ZNF831: variants seen among roughly 807,000 people sequenced by gnomAD.
ZNF831 encodes zinc finger protein 831, also known as chromosome 20 open reading frame 174.
A neutral mutation model predicts 95.8 loss-of-function variants in ZNF831; 59 were observed. The ratio of observed to expected loss-of-function variants is 0.62; its 90% CI spans 0.50 to 0.77. ZNF831 has a LOEUF of 0.77. Among genes scored for constraint, ZNF831 ranks in the 30% least tolerant of loss-of-function variants. The probability of loss-of-function intolerance (pLI) is 0.00; values close to 1 mark genes in which losing one functional copy is unlikely to be tolerated. For missense variants in ZNF831, 2,205 were observed against 2,164.0 expected (o/e 1.02, Z -0.38); for synonymous variants, 961 against 925.5 (o/e 1.04, Z -0.70).
intron 1 of ZNF831, among the ~76,000 whole-genome samples, chr20:59,181,123 C>T (rs1040448303): frequency 1.3e-5 from 2 of 152,152 alleles, no homozygotes; most frequent in African/African-American, 4.8e-5. Flanking sequence ...CTCTAATGAC[C>T]AGTGATGATG....
At chr20:59,124,711 C>T (rs1287722944) in intron 1 of ZNF831, among the ~76,000 whole-genome samples, 4 of 152,244 alleles carry the variant, frequency 2.6e-5, no homozygotes, top group African/African-American at 9.6e-5. Context: ...CAGGTCACCT[C>T]TCTGAACCTC....
At position 59,169,986 on chromosome 20, in the gene ZNF831, T is replaced by G. The variant is rs1237613152; in HGVS notation, c.-37+5779T>G. 6.6e-6 allele frequency among the ~76,000 whole-genome samples: 1 copy of G among 152,182 alleles called. No homozygotes were observed. Among genetic ancestry groups the G allele is most frequent in the Admixed American group, 6.5e-5 (1 of 15,280 alleles). On this transcript the variant is annotated intron_variant, in intron 1 of 5. Coordinates refer to ENST00000371030, the MANE Select transcript of ZNF831 (RefSeq NM_178457.3). This position sits in a 1 kb window ranked among gnomAD's most constrained non-coding sequence, Gnocchi z 4.1. ...TCTCTATTATTTTTCTGTTTTGATT[T>G]GACCTATTTCTTCTCCTACCTTTAT... is the stretch of plus-strand genomic sequence containing the variant.
At chr20:59,155,956 C>G (rs1270741695) in intron 2 of ZNF831, among the ~76,000 whole-genome samples, 1 of 152,064 alleles carries the variant, frequency 6.6e-6, no homozygotes, top group Non-Finnish European at 1.5e-5. Context: ...CAACCGAAGA[C>G]TAAAGAGGAA....
At chr20:59,250,202 A>G (rs1053663808) in intron 4 of ZNF831, among the ~76,000 whole-genome samples, 1 of 152,212 alleles carries the variant, frequency 6.6e-6, no homozygotes, top group South Asian at 2.1e-4. Flanking sequence ...CACTTGGCAT[A>G]ATTAGTTCAG....
At position 59,194,185 on chromosome 20, in the gene ZNF831, C is replaced by T. The variant is rs2146595370; in HGVS notation, c.3166C>T (p.Pro1056Ser). The T allele has an allele frequency of 6.2e-7, 1 of 1,602,724 alleles. No homozygotes were observed. The highest frequency in any genetic ancestry group is 8.5e-7 in the Non-Finnish European group (1 of 1,173,722). ...GAPREATSSP[P>S]TPTCEAHLVQ... ...TCCCAGGGAGGCTACCTCCTCCCCG[C>T]CCACTCCAACGTGTGAGGCACACTT... Residue 1056 changes from proline to serine, a missense_variant, in exon 2 of 6, where the codon CCC becomes TCC. Coordinates refer to ENST00000371030, the MANE Select transcript of ZNF831 (RefSeq NM_178457.3).
intron 3 of ZNF831, among the ~76,000 whole-genome samples, chr20:59,201,554 T>G (rs942588786): frequency 6.6e-6 from 1 of 152,230 alleles, no homozygotes; most frequent in African/African-American, 2.4e-5. Flanking sequence ...AAACAGAGCT[T>G]CAAAGCTTTT....
intron 4 of ZNF831, among the ~76,000 whole-genome samples, chr20:59,238,272 C>G (rs1987115659): frequency 6.6e-6 from 1 of 152,140 alleles, no homozygotes; most frequent in Admixed American, 6.5e-5. Context: ...GGGTTGATTT[C>G]TGGGCCTTCT....
Position 59,191,073 on chromosome 20 carries a change from TC to T in ZNF831, c.57del (p.Thr20LeufsTer16). On this transcript the variant is annotated frameshift_variant, in exon 2 of 6. Transcript: ENST00000371030. LOFTEE classifies it high-confidence loss of function. ...PAPPARDQPA[P>X]TPGPPGAPGG... ...CCCCTCCTGCGAGGGACCAGCCAGCTCCCACTCCTGGCCCTCCAGGGGCCCC... is the reference window on the plus strand; with the variant it reads ...CCCCTCCTGCGAGGGACCAGCCAGCTCCACTCCTGGCCCTCCAGGGGCCCC... The T allele has an allele frequency of 6.6e-7, 1 of 1,520,498 alleles. No homozygotes were observed. The allele number at this position is 1,520,498 out of a possible 1,614,324, so 94.2% of individuals were successfully genotyped here. A position where few individuals can be genotyped will look rare whatever the true frequency, so the allele number is the denominator to read the frequency against.
At chr20:59,158,899 A>G (rs556753736), upstream of ZNF831, among the ~76,000 whole-genome samples, 2 of 152,264 alleles carry the variant, frequency 1.3e-5, no homozygotes, top group East Asian at 3.9e-4. Flanking sequence ...TAAGAAACGC[A>G]GGTGGGTACA....
At chr20:59,185,945 C>G (rs1407225203) in intron 1 of ZNF831, among the ~76,000 whole-genome samples, 3 of 152,230 alleles carry the variant, frequency 2.0e-5, no homozygotes, top group Admixed American at 6.5e-5. Flanking sequence ...TATTCTCCGA[C>G]TCAGCATTTA....
At chr20:59,244,671 A>T (rs999370096) in intron 4 of ZNF831, among the ~76,000 whole-genome samples, 3 of 152,258 alleles carry the variant, frequency 2.0e-5, no homozygotes, top group African/African-American at 2.4e-5. Context: ...TTCTCCACTC[A>T]TAAACAAATA....
intron 4 of ZNF831, among the ~76,000 whole-genome samples, chr20:59,246,299 C>A (rs117585017): frequency 1.3e-3 from 194 of 152,282 alleles, no homozygotes; most frequent in Non-Finnish European, 2.3e-3. Flanking sequence ...GCTATGAAGT[C>A]ATAGTGCTCT....
intron 1 of ZNF831, among the ~76,000 whole-genome samples, chr20:59,134,774 G>A (rs1979452553): frequency 6.6e-6 from 1 of 152,188 alleles, no homozygotes; most frequent in African/African-American, 2.4e-5. Context: ...GAGCCACATG[G>A]GTTGGGGTGG....
intron 4 of ZNF831, among the ~76,000 whole-genome samples, chr20:59,215,250 C>T (rs530347161): frequency 4.6e-5 from 7 of 152,304 alleles, no homozygotes; most frequent in African/African-American, 1.4e-4. Flanking sequence ...CATTGGAAGT[C>T]GTGCCGCTTC....
At chr20:59,201,111 G>C (rs1244826456) in intron 3 of ZNF831, among the ~76,000 whole-genome samples, 3 of 152,120 alleles carry the variant, frequency 2.0e-5, no homozygotes, top group African/African-American at 7.2e-5. Flanking sequence ...CAGAGTATGA[G>C]AGTTCCATTT....
rs775185780 is a variant in ZNF831, at chr20:59,192,537, G to A, written c.1518G>A (p.Ser506=). 7 of 1,527,526 alleles carry A rather than the reference G, an allele frequency of 4.6e-6. No individual in the cohort carries two copies. Among genetic ancestry groups the A allele is most frequent in the Non-Finnish European group, 6.1e-6 (7 of 1,139,596 alleles). 94.6% of individuals were successfully genotyped at this position (1,527,526 alleles called of 1,614,324 possible). ...VECVPVTRSN[S]LPFVEGSRTW... ...GTGTCCCCGTCACCAGGAGCAACTC[G>A]CTGCCCTTCGTCGAGGGCTCCAGGA... The change falls in exon 2 of 6, where the codon TCG becomes TCA. Residue 506 remains serine (S), a synonymous_variant. Transcript: ENST00000371030. The surrounding 1 kb of genome is among the most constrained non-coding windows in gnomAD (Gnocchi z 5.2).
rs2146552717 is a variant in ZNF831, at chr20:59,191,730, G to A, written c.711G>A (p.Met237Ile). The A allele has an allele frequency of 6.3e-7, 1 of 1,586,148 alleles. No homozygotes were observed. The highest frequency in any genetic ancestry group is 8.6e-7 in the Non-Finnish European group (1 of 1,165,098). Reference protein sequence around the residue: ...EGRGESRCQGMHEGASERPLS... With the variant: ...EGRGESRCQGIHEGASERPLS... ...GGGGCGAGAGCAGGTGCCAGGGGAT[G>A]CACGAAGGCGCCTCGGAGAGACCCC... The change falls in exon 2 of 6, where the codon ATG becomes ATA. Residue 237 changes from methionine to isoleucine, a missense_variant. Transcript: ENST00000371030.
At chr20:59,203,418 G>A (rs1159212885) in intron 3 of ZNF831, among the ~76,000 whole-genome samples, 1 of 152,186 alleles carries the variant, frequency 6.6e-6, no homozygotes, top group Non-Finnish European at 1.5e-5. Context: ...CCTGGCCTCA[G>A]TGGTCTTCCT....
chr20:59,188,168 G>A (rs1187485027), intron 1 of ZNF831, among the ~76,000 whole-genome samples: 6 of 152,160 alleles, frequency 3.9e-5, no homozygotes, highest in Non-Finnish European at 7.3e-5. Context: ...ATACCTAGAC[G>A]TAGAATTGCT....
Sources: gnomAD v4.1 joint callset for allele counts (sites outside exome capture counted in the v4.1 genomes callset) on GRCh38, gnomAD v4.1.1 for gene constraint, Gnocchi (gnomAD v3.1) non-coding constraint, MANE v1.5 for transcripts, NCBI Gene and HGNC (gene_info 2026-07-23, HGNC 2026-07-21) for gene names.